Variants in AKAP7 observed in about 807,000 individuals in gnomAD.
The protein encoded by AKAP7 is A-kinase anchoring protein 7, also known as A kinase (PRKA) anchor protein 7.
In AKAP7, 39 loss-of-function variants were observed where a neutral mutation model predicts 39.5. The observed-to-expected ratio is 0.99, with a 90% CI of 0.76 to 1.29. The LOEUF is 1.29. AKAP7 is among the 50% of genes most tolerant of loss of function. The probability of loss-of-function intolerance (pLI) is 0.00; values close to 1 mark genes in which losing one functional copy is unlikely to be tolerated. For synonymous variants in AKAP7, 140 were observed against 139.1 expected (o/e 1.01, Z -0.05); for missense variants, 414 against 407.7 (o/e 1.02, Z -0.13).
intron 7 of AKAP7, chr6:131,253,174 G>C: frequency 2.9e-6 from 4 of 1,389,012 alleles, no homozygotes; most frequent in Non-Finnish European, 3.0e-6. Flanking sequence ...TGGTGGTGGT[G>C]GTAGATAGAA....
chr6:131,180,375 C>G (rs1805053859), intron 5 of AKAP7, among the ~76,000 whole-genome samples: 1 of 152,176 alleles, frequency 6.6e-6, no homozygotes, highest in South Asian at 2.1e-4. Context: ...CCCAACTTTA[C>G]TTGCTCAATA....
rs191824588 is a variant in AKAP7 at position 131,162,342 on chromosome 6, T to A, written c.291+2144T>A. On this transcript the variant is annotated intron_variant, in intron 3 of 7. Coordinates refer to ENST00000431975, the MANE Select transcript of AKAP7 (RefSeq NM_016377.4). ...TTTAACCTGCTGTAGCCTTTGTTTC[T>A]GCCTCTCTACCCCTGTAAAGTTGTG... Among the ~76,000 whole-genome samples the A allele has an allele frequency of 4.6e-5, 7 of 152,326 alleles. No homozygotes were observed. The East Asian group carries it at 1.4e-3, about 29-fold the overall frequency.
intron 6 of AKAP7, among the ~76,000 whole-genome samples, chr6:131,207,911 C>A (rs1023008736): frequency 1.3e-5 from 2 of 152,088 alleles, no homozygotes; most frequent in African/African-American, 2.4e-5. Flanking sequence ...TTAAAAATAT[C>A]TTTGGTGCAA....
chr6:131,232,337 C>T (rs546067164), intron 7 of AKAP7, among the ~76,000 whole-genome samples: 1 of 152,098 alleles, frequency 6.6e-6, no homozygotes, highest in Admixed American at 6.6e-5. Flanking sequence ...AAAATAAAAC[C>T]ATGTGAATGA....
At chr6:131,202,201 GC>G (rs932858552) in intron 6 of AKAP7, among the ~76,000 whole-genome samples, 21 of 149,680 alleles carry the variant, frequency 1.4e-4, no homozygotes, top group African/African-American at 5.2e-4. Context: ...AGTCAGTGTG[GC>G]CATTCCTCAG....
chr6:131,229,454 T>C (rs1810461618), intron 7 of AKAP7, among the ~76,000 whole-genome samples: 1 of 152,144 alleles, frequency 6.6e-6, no homozygotes, highest in South Asian at 2.1e-4. Context: ...GTTCAAGCGA[T>C]TCTCCTGCCT....
Position 131,282,204 on chromosome 6 carries a change from C to T in AKAP7, c.*478C>T. On this transcript the variant is annotated 3_prime_UTR_variant, in exon 8 of 8. Transcript: ENST00000431975. ...TTAGTCCATAATGTTTCATGTTTGTCCTAAGTGTGCTGTTGCTATGCAGTG... is the reference window on the plus strand; with the variant it reads ...TTAGTCCATAATGTTTCATGTTTGTTCTAAGTGTGCTGTTGCTATGCAGTG... 7.7e-7 allele frequency: 1 copy of T among 1,298,634 alleles called. No individual in the cohort carries two copies. Among genetic ancestry groups the T allele is most frequent in the East Asian group, 3.0e-5 (1 of 33,380 alleles). The allele number at this position is 1,298,634 out of a possible 1,614,324, so 80.4% of individuals were successfully genotyped here.
At chr6:131,194,817 G>A (rs954958646) in intron 5 of AKAP7, among the ~76,000 whole-genome samples, 2 of 152,000 alleles carry the variant, frequency 1.3e-5, no homozygotes, top group Non-Finnish European at 2.9e-5. Flanking sequence ...TACAGTTTTT[G>A]TCTTGAAATG....
At chr6:131,143,837 T>C (rs1449915899) in intron 1 of AKAP7, among the ~76,000 whole-genome samples, 3 of 145,300 alleles carry the variant, frequency 2.1e-5, no homozygotes, top group African/African-American at 5.1e-5. Flanking sequence ...CATAGGACAA[T>C]AGTGGAGGGA....
intron 2 of AKAP7, among the ~76,000 whole-genome samples, chr6:131,146,801 A>G (rs17787199): frequency 1.2e-3 from 179 of 152,332 alleles, no homozygotes; most frequent in Middle Eastern, 6.8e-3. Context: ...GTGGGAAAGA[A>G]CTAGTTGTAG....
At chr6:131,216,441 T>A (rs17573256) in intron 6 of AKAP7, among the ~76,000 whole-genome samples, 14 of 152,322 alleles carry the variant, frequency 9.2e-5, no homozygotes, top group Non-Finnish European at 1.9e-4. Flanking sequence ...CTAAAAATAC[T>A]CGTCATGCAT....
chr6:131,134,600 T>C (rs1383624321), upstream of AKAP7, among the ~76,000 whole-genome samples: 2 of 152,234 alleles, frequency 1.3e-5, no homozygotes, highest in East Asian at 3.8e-4. Flanking sequence ...TAAATAAATA[T>C]TAGGGGAACT....
rs112466149 is a variant in AKAP7, at chr6:131,177,224, G to T, written c.589+7951G>T. On this transcript the variant is annotated intron_variant, in intron 5 of 7. Coordinates refer to ENST00000431975, the MANE Select transcript of AKAP7 (RefSeq NM_016377.4). ...TATGGGCTGTCTTCGTTCATTTTGTGTTGCTATAACAGAATACTTGAGGCT... is the reference window on the plus strand; with the variant it reads ...TATGGGCTGTCTTCGTTCATTTTGTTTTGCTATAACAGAATACTTGAGGCT... Among the ~76,000 whole-genome samples, 1,155 of 152,232 alleles carry T rather than the reference G, an allele frequency of 7.6e-3. 14 individuals carry two copies. The highest frequency in any genetic ancestry group is 0.025 in the African/African-American group (1,040 of 41,536).
chr6:131,214,159 G>A (rs1361920280), intron 6 of AKAP7, among the ~76,000 whole-genome samples: 1 of 152,116 alleles, frequency 6.6e-6, no homozygotes, highest in Non-Finnish European at 1.5e-5. Flanking sequence ...GCTACTTGAT[G>A]CCACCAAGGA....
At chr6:131,153,054 C>T (rs924281128) in intron 2 of AKAP7, among the ~76,000 whole-genome samples, 1 of 147,506 alleles carries the variant, frequency 6.8e-6, no homozygotes, top group East Asian at 2.0e-4. Context: ...GGCGTGAACC[C>T]AGGAGGTGGA....
At chr6:131,159,939 C>A in intron 2 of AKAP7, 120 bp from the exon 3 acceptor site, 4 of 963,754 alleles carry the variant, frequency 4.2e-6, no homozygotes, top group African/African-American at 1.7e-5. Context: ...CAAACTCCTG[C>A]TTTAGATTTG....
intron 5 of AKAP7, among the ~76,000 whole-genome samples, chr6:131,198,651 T>A (rs1253106388): frequency 6.6e-6 from 1 of 152,178 alleles, no homozygotes; most frequent in Non-Finnish European, 1.5e-5. Flanking sequence ...AATGGAACAG[T>A]ATTCCTGGGC....
At position 131,207,315 on chromosome 6, in the gene AKAP7, C is replaced by T. The variant is rs1284742843; in HGVS notation, c.702+7742C>T. Among the ~76,000 whole-genome samples the T allele has an allele frequency of 2.9e-5, 4 of 137,162 alleles. No homozygotes were observed. In the East Asian group the frequency reaches 7.9e-4, roughly 27 times the overall value. The allele number at this position is 137,162 out of a possible 152,430, so 90.0% of individuals were successfully genotyped here. ...CAAGGACAATGGGAAAAATACTCTACACATTTTTTTTTTTTTTTGAAAGAA... is the reference window on the plus strand; with the variant it reads ...CAAGGACAATGGGAAAAATACTCTATACATTTTTTTTTTTTTTTGAAAGAA... On this transcript the variant is annotated intron_variant, in intron 6 of 7. Transcript: ENST00000431975.
chr6:131,139,159 A>G (rs1456005460), intron 1 of AKAP7, among the ~76,000 whole-genome samples: 1 of 152,228 alleles, frequency 6.6e-6, no homozygotes, highest in African/African-American at 2.4e-5. Flanking sequence ...TTGCCCAAAC[A>G]CTAGAGCTTA....
Sources: allele counts gnomAD v4.1 joint callset (sites outside exome capture counted in the v4.1 genomes callset), GRCh38; gene constraint gnomAD v4.1.1; transcripts MANE v1.5; gene names NCBI Gene and HGNC (gene_info 2026-07-23, HGNC 2026-07-21).